ATP2C1: variants seen among roughly 807,000 people sequenced by gnomAD.
The protein encoded by ATP2C1 is calcium-transporting ATPase type 2C member 1.
ATP2C1 carries 31 observed loss-of-function variants against 120.5 expected under a neutral mutation model. The ratio of observed to expected loss-of-function variants is 0.26; its 90% CI spans 0.19 to 0.35. The LOEUF is 0.35. ATP2C1 is among the 10% of genes least tolerant of loss of function. ATP2C1 has a pLI of 1.00. For synonymous variants in ATP2C1, 351 were observed against 358.7 expected (o/e 0.98, Z 0.24); for missense variants, 731 against 1,107.5 (o/e 0.66, Z 4.83).
At chr3:130,960,420 A>G (rs762691454) in intron 12 of ATP2C1, among the ~76,000 whole-genome samples, 4 of 152,190 alleles carry the variant, frequency 2.6e-5, no homozygotes, top group South Asian at 4.1e-4. Context: ...ATTTTGAAAC[A>G]TGCATTTCCA....
chr3:130,981,776 G>GTGATTT (rs1167910609), intron 20 of ATP2C1, among the ~76,000 whole-genome samples: 22 of 152,322 alleles, frequency 1.4e-4, no homozygotes, highest in African/African-American at 5.3e-4. Context: ...GTATCTTACT[G>GTGATTT]TGATTTTAAT....
At chr3:130,937,487 T>G (rs768066411) in intron 6 of ATP2C1, 24 bp downstream of exon 6, 1 of 1,604,280 alleles carries the variant, frequency 6.2e-7, no homozygotes, top group Non-Finnish European at 8.5e-7. Context: ...TTTGCCAACA[T>G]GAAAATGGTA....
At chr3:130,889,638 CTT>C (rs1170424148), upstream of ATP2C1, among the ~76,000 whole-genome samples, 62 of 77,646 alleles carry the variant, frequency 8.0e-4, no homozygotes, top group Admixed American at 1.3e-3. Flanking sequence ...ATTCTTTAAA[CTT>C]TTTTTTTTTT....
chr3:130,989,624 G>A (rs563737126), intron 20 of ATP2C1, among the ~76,000 whole-genome samples: 68 of 150,642 alleles, frequency 4.5e-4, no homozygotes, highest in African/African-American at 1.3e-3. Flanking sequence ...CTCATGAGCC[G>A]CTTGCTCGAG....
chr3:130,855,036 CT>C (rs2067792225), intron 1 of ATP2C1, among the ~76,000 whole-genome samples: 2 of 152,306 alleles, frequency 1.3e-5, no homozygotes, highest in Non-Finnish European at 2.9e-5. Context: ...TGGCACCTCT[CT>C]TTTTCCCTTT....
intron 1 of ATP2C1, among the ~76,000 whole-genome samples, chr3:130,854,563 A>ATCAAG (rs2067776758): frequency 6.6e-6 from 1 of 152,156 alleles, no homozygotes; most frequent in South Asian, 2.1e-4. Context: ...GGCTCAGGTG[A>ATCAAG]TCAAGCGGGA....
chr3:130,916,621 G>A (rs1576699204), intron 2 of ATP2C1, among the ~76,000 whole-genome samples: 1 of 152,058 alleles, frequency 6.6e-6, no homozygotes, highest in Non-Finnish European at 1.5e-5. Context: ...CGGGGAAACA[G>A]CTGGTACCAT....
At chr3:130,910,223 T>G (rs904803615) in intron 2 of ATP2C1, among the ~76,000 whole-genome samples, 1 of 151,462 alleles carries the variant, frequency 6.6e-6, no homozygotes, top group African/African-American at 2.4e-5. Context: ...TGAATGGGAG[T>G]TCACTCATGA....
At chr3:130,852,837 G>C (rs2067717042) in intron 1 of ATP2C1, among the ~76,000 whole-genome samples, 1 of 152,172 alleles carries the variant, frequency 6.6e-6, no homozygotes, top group Non-Finnish European at 1.5e-5. Context: ...TTGAGACTTA[G>C]AGCCCTTAAG....
chr3:131,005,915 CA>C (rs199535069), downstream of ATP2C1, among the ~76,000 whole-genome samples: 90 of 152,064 alleles, frequency 5.9e-4, no homozygotes, highest in East Asian at 0.015. Context: ...TTTTTTGATA[CA>C]TGTAGTAAGA....
chr3:130,978,188 G>A (rs547601257), intron 18 of ATP2C1, among the ~76,000 whole-genome samples: 352 of 152,254 alleles, frequency 2.3e-3, no homozygotes, highest in African/African-American at 7.5e-3. Context: ...ATTCTCTCAA[G>A]GGTGAAAGCC....
chr3:130,860,452 GA>G (rs988242063), intron 1 of ATP2C1, among the ~76,000 whole-genome samples: 2 of 152,182 alleles, frequency 1.3e-5, no homozygotes, highest in Non-Finnish European at 2.9e-5. Context: ...ATGCATTCAA[GA>G]ATAAAATATT....
At chr3:130,996,152 A>G in intron 23 of ATP2C1, 41 bp downstream of exon 23, 1 of 1,367,960 alleles carries the variant, frequency 7.3e-7, no homozygotes. Context: ...TCTTCTGGAT[A>G]AATTATATGA....
chr3:130,967,263 T>C (rs778366583), intron 15 of ATP2C1, 23 bp downstream of exon 15: 2 of 1,612,584 alleles, frequency 1.2e-6, no homozygotes, highest in South Asian at 2.2e-5. Flanking sequence ...TTTTCCAAGA[T>C]GGTGACTTTC....
chr3:131,014,044 T>C (rs1451639251), intron 26 of ATP2C1: 1 of 1,519,584 alleles, frequency 6.6e-7, no homozygotes, highest in Non-Finnish European at 8.9e-7. Flanking sequence ...TCTAGTTTGA[T>C]GCAAACTGAG....
At chr3:130,966,146 AGTT>A (rs2061039329) in intron 14 of ATP2C1, among the ~76,000 whole-genome samples, 1 of 152,136 alleles carries the variant, frequency 6.6e-6, no homozygotes, top group Admixed American at 6.6e-5. Context: ...AATTGACAGA[AGTT>A]GTACTTGGGT....
intron 6 of ATP2C1, 69 bp downstream of exon 6, chr3:130,937,532 A>G (rs1230618860): frequency 1.5e-6 from 2 of 1,322,814 alleles, no homozygotes; most frequent in African/African-American, 1.4e-5. Context: ...GTCTTGTGGT[A>G]GAACCTACCG....
intron 12 of ATP2C1, among the ~76,000 whole-genome samples, chr3:130,959,810 A>G (rs1026872487): frequency 4.6e-5 from 7 of 152,108 alleles, no homozygotes; most frequent in African/African-American, 1.7e-4. Flanking sequence ...GAGTTTTTAG[A>G]AATTAAGATT....
At chr3:130,919,411 G>A (rs1176664194) in intron 2 of ATP2C1, among the ~76,000 whole-genome samples, 1 of 151,758 alleles carries the variant, frequency 6.6e-6, no homozygotes, top group Non-Finnish European at 1.5e-5. Flanking sequence ...TAGAGAAGGG[G>A]TTTTACCATG....
Sources: gnomAD v4.1 joint callset for allele counts (sites outside exome capture counted in the v4.1 genomes callset) on GRCh38, gnomAD v4.1.1 for gene constraint, MANE v1.5 for transcripts, NCBI Gene and HGNC (gene_info 2026-07-23, HGNC 2026-07-21) for gene names.